The following SSBP2 variants were observed in gnomAD, a reference collection of about 807,000 sequenced individuals.
The protein encoded by SSBP2 is single-stranded DNA-binding protein 2.
Under a neutral mutation model 61.8 loss-of-function variants are expected in SSBP2, and 17 were observed. The observed-to-expected ratio is 0.28, with a 90% confidence interval of 0.19 to 0.41. The LOEUF is 0.41. SSBP2 is among the 10% of genes least tolerant of loss of function. SSBP2 has a pLI of 1.00. For synonymous variants in SSBP2, 139 were observed against 141.3 expected (o/e 0.98, Z 0.12); for missense variants, 310 against 458.7 (o/e 0.68, Z 2.96).
At chr5:81,566,426 G>A (rs762086952) in intron 4 of SSBP2, among the ~76,000 whole-genome samples, 3 of 152,244 alleles carry the variant, frequency 2.0e-5, no homozygotes, top group Middle Eastern at 3.4e-3. Context: ...CTGCTTTTGC[G>A]TCTTCCTTAT....
At chr5:81,432,983 G>T (rs1454250183) in intron 15 of SSBP2, among the ~76,000 whole-genome samples, 5 of 73,792 alleles carry the variant, frequency 6.8e-5, no homozygotes, top group Non-Finnish European at 1.5e-4. Context: ...GGAGGGAGGT[G>T]GGGGGGGTCA....
intron 4 of SSBP2, among the ~76,000 whole-genome samples, chr5:81,586,663 G>A (rs1775079509): frequency 6.7e-6 from 1 of 150,238 alleles, no homozygotes; most frequent in Non-Finnish European, 1.5e-5. Context: ...TAGGAGGCAT[G>A]AGATTGCTAT....
chr5:81,636,590 C>A lies in SSBP2; in HGVS notation c.164G>T (p.Gly55Val). ...AGAATGTAAGAATCCTGGTGGTTCC[C>A]CCAATGTGATGTTTTTTTCCCATCT... Residue 55 changes from glycine to valine, a missense_variant, in exon 3 of 17, where the codon GGG (glycine) becomes GTG (valine). Around this residue, in one of 4 missense-constraint regions of SSBP2, gnomAD observed 21 missense variants for 59.1 expected, o/e 0.36. Coordinates refer to ENST00000320672, the MANE Select transcript of SSBP2 (RefSeq NM_012446.5). 1 of 1,610,328 alleles carries A rather than the reference C, an allele frequency of 6.2e-7. No homozygotes were observed. Among genetic ancestry groups the A allele is most frequent in the Non-Finnish European group, 8.5e-7 (1 of 1,178,126 alleles).
chr5:81,556,004 T>G (rs915181921), intron 4 of SSBP2, among the ~76,000 whole-genome samples: 1 of 152,126 alleles, frequency 6.6e-6, no homozygotes, highest in Admixed American at 6.6e-5. Flanking sequence ...GATATTCTAG[T>G]GCAAAAGCAG....
In SSBP2 at chr5:81,592,055, C is replaced by T. The variant is rs568526147; in HGVS notation, c.282+23418G>A. Among the ~76,000 whole-genome samples, 1,039 of 152,348 alleles carry T rather than the reference C, an allele frequency of 6.8e-3. 1 individual carries two copies. Among genetic ancestry groups the T allele is most frequent in the Non-Finnish European group, 0.011 (742 of 68,038 alleles). On this transcript the variant is annotated intron_variant, in intron 4 of 16. Transcript: ENST00000320672. The stretch of plus-strand genomic sequence containing the variant: ...GCGAGGCATCGCCTCACCTGGGAAG[C>T]GCAAGGGGTCAGGGAATTCCCTTTC...
In SSBP2 at chr5:81,496,381, T is replaced by C. The variant is rs374699953; in HGVS notation, c.373-7072A>G. ...TTTTAGTAGAGACAAGGTTTCACCA[T>C]GTTGGCCAGGTTGGTCTCGAACTCC... On this transcript the variant is annotated intron_variant, in intron 5 of 16. Transcript: ENST00000320672. Among the ~76,000 whole-genome samples the C allele has an allele frequency of 1.8e-4, 28 of 152,266 alleles. No homozygotes were observed. In the East Asian group the frequency reaches 2.3e-3, roughly 13 times the overall value.
intron 4 of SSBP2, among the ~76,000 whole-genome samples, chr5:81,603,662 CA>C (rs1484543996): frequency 6.6e-6 from 1 of 152,034 alleles, no homozygotes; most frequent in Non-Finnish European, 1.5e-5. Flanking sequence ...TCTAAAGTGA[CA>C]GTAATATATA....
intron 4 of SSBP2, among the ~76,000 whole-genome samples, chr5:81,536,805 A>C (rs1490030119): frequency 6.6e-6 from 1 of 152,114 alleles, no homozygotes; most frequent in Non-Finnish European, 1.5e-5. Context: ...GCGGATCATG[A>C]GGTCAGGAAA....
rs559117389 is a variant in SSBP2 at position 81,431,646 on chromosome 5, G to T, written c.958-2963C>A. On this transcript the variant is annotated intron_variant, in intron 15 of 16. Coordinates refer to ENST00000320672, the MANE Select transcript of SSBP2 (RefSeq NM_012446.5). ...GTCACCTAGGCTGGAATACAGTGGT[G>T]AGATCACAGCTCATTGCAGCCTTGG... Among the ~76,000 whole-genome samples the T allele has an allele frequency of 7.2e-5, 11 of 151,932 alleles. No homozygotes were observed. In the South Asian group the frequency reaches 2.3e-3, roughly 32 times the overall value.
At chr5:81,627,993 A>C (rs1257733695) in intron 3 of SSBP2, among the ~76,000 whole-genome samples, 1 of 151,690 alleles carries the variant, frequency 6.6e-6, no homozygotes, top group Admixed American at 6.6e-5. Context: ...TAAGCCCGGG[A>C]GATGGAGGCT....
At chr5:81,585,867 CA>C (rs1330859501) in intron 4 of SSBP2, among the ~76,000 whole-genome samples, 2 of 152,102 alleles carry the variant, frequency 1.3e-5, no homozygotes, top group Non-Finnish European at 2.9e-5. Flanking sequence ...TCTATGAGTT[CA>C]TTTTTTTAGA....
intron 16 of SSBP2, among the ~76,000 whole-genome samples, chr5:81,427,949 CT>C: frequency 6.6e-6 from 1 of 152,272 alleles, no homozygotes; most frequent in Non-Finnish European, 1.5e-5. Context: ...CATAGAACTC[CT>C]TGAGAAAAGG....
Position 81,562,586 on chromosome 5 carries a change from T to C in SSBP2, c.283-48869A>G, listed in dbSNP as rs923868302. Among the ~76,000 whole-genome samples, 15 of 152,188 alleles carry C rather than the reference T, an allele frequency of 9.9e-5. 1 individual carries two copies. The East Asian group carries it at 2.9e-3, about 29-fold the overall frequency. On this transcript the variant is annotated intron_variant, in intron 4 of 16. Transcript: ENST00000320672. ...ATGTATATAAGAGCAAACCAATCCA[T>C]GTCCTAAGGAACACATGAGTAGAAC...
intron 1 of SSBP2, among the ~76,000 whole-genome samples, chr5:81,707,748 C>G (rs1754495459): frequency 6.6e-6 from 1 of 152,150 alleles, no homozygotes; most frequent in Admixed American, 6.6e-5. Context: ...GTCCTAGATT[C>G]TAGGCTTTAA....
chr5:81,687,046 G>A (rs944736234), intron 1 of SSBP2, among the ~76,000 whole-genome samples: 4 of 152,074 alleles, frequency 2.6e-5, no homozygotes, highest in South Asian at 2.1e-4. Flanking sequence ...AAAATCAGAC[G>A]AGTCATAACA....
At chr5:81,679,045 TGTCGC>T (rs112718757) in intron 1 of SSBP2, among the ~76,000 whole-genome samples, 16 of 152,356 alleles carry the variant, frequency 1.1e-4, no homozygotes, top group African/African-American at 3.6e-4. Context: ...AGTCTCACTC[TGTCGC>T]CCAGGCTGAA....
At chr5:81,465,081 A>T (rs953040531) in intron 9 of SSBP2, among the ~76,000 whole-genome samples, 2 of 152,048 alleles carry the variant, frequency 1.3e-5, no homozygotes, top group Non-Finnish European at 2.9e-5. Flanking sequence ...AAGTGTAAAA[A>T]TGTAAATATT....
At chr5:81,625,011 T>C (rs1219744263) in intron 3 of SSBP2, among the ~76,000 whole-genome samples, 4 of 152,106 alleles carry the variant, frequency 2.6e-5, no homozygotes, top group African/African-American at 9.7e-5. Context: ...TGCTCAAAAT[T>C]GCTCACTTGC....
chr5:81,426,337 T>C (rs1423383007), intron 16 of SSBP2, among the ~76,000 whole-genome samples: 1 of 152,250 alleles, frequency 6.6e-6, no homozygotes, highest in Middle Eastern at 3.2e-3. Flanking sequence ...AGTGTGTACC[T>C]GCTTCCAAGG....
Sources: gnomAD v4.1 joint callset for allele counts (sites outside exome capture counted in the v4.1 genomes callset) on GRCh38, gnomAD v4.1.1 for gene constraint, gnomAD v4.1.1 regional missense constraint, MANE v1.5 for transcripts, NCBI Gene and HGNC (gene_info 2026-07-23, HGNC 2026-07-21) for gene names.